DNER: variants seen among roughly 807,000 people sequenced by gnomAD.
DNER encodes the protein delta/notch like EGF repeat containing, also known as delta and Notch-like epidermal growth factor-related receptor.
DNER carries 33 observed loss-of-function variants against 78.2 expected under a neutral mutation model. The observed-to-expected ratio is 0.42, with a 90% CI of 0.32 to 0.56. The LOEUF is 0.56. Among genes scored for constraint, DNER ranks in the 20% least tolerant of loss-of-function variants. The pLI, the probability that DNER is intolerant of heterozygous loss-of-function variation, is 0.11. For synonymous variants in DNER, 417 were observed against 384.8 expected, an observed-to-expected ratio of 1.08 and a Z score of -0.98; for missense variants, 918 against 975.3, an observed-to-expected ratio of 0.94 and a Z score of 0.78.
chr2:229,603,119 A>AG (rs1392887126), intron 1 of DNER, among the ~76,000 whole-genome samples: 6 of 152,246 alleles, frequency 3.9e-5, no homozygotes, highest in African/African-American at 1.4e-4. Context: ...ATATCCAATG[A>AG]GAAAAAAATG....
intron 5 of DNER, among the ~76,000 whole-genome samples, chr2:229,534,155 A>G (rs1378649197): frequency 6.6e-6 from 1 of 152,156 alleles, no homozygotes; most frequent in African/African-American, 2.4e-5. Flanking sequence ...AATGAAACAG[A>G]CCAATAGATT....
chr2:229,495,839 G>A (rs1695490646), intron 6 of DNER, among the ~76,000 whole-genome samples: 1 of 152,184 alleles, frequency 6.6e-6, no homozygotes, highest in South Asian at 2.1e-4. Context: ...TTCTAGAGCA[G>A]TCTGTATTTG....
chr2:229,566,724 C>T (rs1170750521), intron 4 of DNER, among the ~76,000 whole-genome samples: 1 of 152,170 alleles, frequency 6.6e-6, no homozygotes, highest in Non-Finnish European at 1.5e-5. Context: ...TCATAATTGC[C>T]TAAAGAGTTT....
chr2:229,365,174 G>A (rs1481219109), intron 12 of DNER, among the ~76,000 whole-genome samples: 1 of 152,102 alleles, frequency 6.6e-6, no homozygotes, highest in African/African-American at 2.4e-5. Context: ...CATTGATGAA[G>A]GATAAAAATC....
intron 1 of DNER, among the ~76,000 whole-genome samples, chr2:229,672,100 G>A (rs1699218270): frequency 6.6e-6 from 1 of 152,128 alleles, no homozygotes; most frequent in Admixed American, 6.6e-5. Flanking sequence ...TTAAGACAAG[G>A]ACAACAATGA....
At chr2:229,668,536 G>GTGTATA (rs1255752675) in intron 1 of DNER, among the ~76,000 whole-genome samples, 2 of 7,092 alleles carry the variant, frequency 2.8e-4, no homozygotes, top group African/African-American at 6.0e-4. Context: ...GTGTGTGTGT[G>GTGTATA]TATATATATA....
chr2:229,660,685 A>C (rs528962773), intron 1 of DNER, among the ~76,000 whole-genome samples: 2 of 152,328 alleles, frequency 1.3e-5, no homozygotes, highest in East Asian at 3.9e-4. Context: ...TGTGATACTA[A>C]CAAATTCATG....
At chr2:229,423,700 T>A (rs1411514142) in intron 8 of DNER, among the ~76,000 whole-genome samples, 1 of 151,842 alleles carries the variant, frequency 6.6e-6, no homozygotes. Flanking sequence ...GAATTATTTA[T>A]CATTTTAAAA....
chr2:229,629,384 A>G (rs1250286766), intron 1 of DNER, among the ~76,000 whole-genome samples: 3 of 152,204 alleles, frequency 2.0e-5, no homozygotes, highest in Non-Finnish European at 4.4e-5. Context: ...GTCTCTTTAC[A>G]TTTTACTAAG....
chr2:229,503,503 G>A (rs1199271427), intron 6 of DNER, among the ~76,000 whole-genome samples: 2 of 152,174 alleles, frequency 1.3e-5, no homozygotes, highest in Non-Finnish European at 2.9e-5. Flanking sequence ...GAGTCTCAGA[G>A]CAAGAGACGA....
In DNER at chr2:229,701,958, G is replaced by T. The variant is rs554121806; in HGVS notation, c.276+12190C>A. On this transcript the variant is annotated intron_variant, in intron 1 of 12. Transcript: ENST00000341772. ...TGCGGGCCAAACCAGTTGTAGAGAC[G>T]GGCTGAAGCATGTTCGGGAAGAATG... 6.3e-5 allele frequency: 11 copies of T among 173,302 alleles called. No individual in the cohort carries two copies. In the South Asian group the frequency reaches 1.4e-3, roughly 23 times the overall value. 10.7% of individuals were successfully genotyped at this position (173,302 alleles called of 1,614,324 possible).
chr2:229,491,374 C>G (rs1428718484), intron 6 of DNER, among the ~76,000 whole-genome samples: 1 of 152,214 alleles, frequency 6.6e-6, no homozygotes, highest in Non-Finnish European at 1.5e-5. Context: ...GGCCCTCTTT[C>G]ATGAGGGTAC....
chr2:229,362,468 T>A (rs1422627811), intron 12 of DNER, among the ~76,000 whole-genome samples: 2 of 152,224 alleles, frequency 1.3e-5, no homozygotes, highest in African/African-American at 4.8e-5. Flanking sequence ...TTGAAAGGCA[T>A]CACCTTCAAA....
chr2:229,675,829 T>C (rs1220127133), intron 1 of DNER, among the ~76,000 whole-genome samples: 1 of 152,072 alleles, frequency 6.6e-6, no homozygotes, highest in East Asian at 1.9e-4. Flanking sequence ...AGCAGGCAAA[T>C]GGGCCAGTGA....
intron 1 of DNER, among the ~76,000 whole-genome samples, chr2:229,602,559 A>G (rs550325474): frequency 2.0e-5 from 3 of 152,356 alleles, no homozygotes; most frequent in Admixed American, 1.3e-4. Flanking sequence ...AGACTGTATG[A>G]TTATTCATGC....
In DNER at chr2:229,547,032, T is replaced by A; in HGVS notation, c.908A>T (p.Lys303Met). The change falls in exon 5 of 13, where the codon AAG becomes ATG. Residue 303 changes from lysine (K) to methionine (M), a missense_variant. Physicochemically the swap from Lys to Met is moderately conservative, Grantham distance 95. Coordinates refer to ENST00000341772, the MANE Select transcript of DNER (RefSeq NM_139072.4). Reference sequence around the variant, plus strand: ...CTCCCCCGGCACACAGGTGCTGACCTTCACCACCAGAGTTAAGCGCAAAGC... The same window carrying A: ...CTCCCCCGGCACACAGGTGCTGACCATCACCACCAGAGTTAAGCGCAAAGC... ...IVALRLTLVV[K>M]VSTCVPGESH... 1 of 1,614,190 alleles carries A rather than the reference T, an allele frequency of 6.2e-7. No individual in the cohort carries two copies. The highest frequency in any genetic ancestry group is 1.1e-5 in the South Asian group (1 of 91,090).
intron 1 of DNER, among the ~76,000 whole-genome samples, chr2:229,687,229 G>A (rs748816273): frequency 2.0e-5 from 3 of 148,926 alleles, no homozygotes; most frequent in South Asian, 4.3e-4. Flanking sequence ...ATAATGTTTT[G>A]ATGAATATCT....
chr2:229,544,861 A>C (rs1332118501), intron 5 of DNER, among the ~76,000 whole-genome samples: 1 of 152,212 alleles, frequency 6.6e-6, no homozygotes, highest in African/African-American at 2.4e-5. Flanking sequence ...AGCAGCTGCA[A>C]TATTACAGCT....
At position 229,468,713 on chromosome 2, in the gene DNER, C is replaced by T. The variant is rs370556683; in HGVS notation, c.1261+8427G>A. Among the ~76,000 whole-genome samples the T allele has an allele frequency of 1.4e-4, 22 of 152,312 alleles. No individual in the cohort carries two copies. The South Asian group carries it at 3.9e-3, about 27-fold the overall frequency. On this transcript the variant is annotated intron_variant, in intron 7 of 12. Coordinates refer to ENST00000341772, the MANE Select transcript of DNER (RefSeq NM_139072.4). ...CAGCTCTGCGTGAATTACTCTTTCT[C>T]GATTGCAATTCCCCTGTCTTGATAA...
Sources: gnomAD v4.1 joint callset for allele counts (sites outside exome capture counted in the v4.1 genomes callset) on GRCh38, gnomAD v4.1.1 for gene constraint, MANE v1.5 for transcripts, NCBI Gene and HGNC (gene_info 2026-07-23, HGNC 2026-07-21) for gene names.